Variants in REDIC1 observed in about 807,000 individuals in gnomAD.
The protein encoded by REDIC1 is regulator of DNA class I crossover intermediates 1.
the REDIC1 span, among the ~76,000 whole-genome samples, chr12:39,874,568 T>TGTGC: frequency 7.5e-6 from 1 of 133,140 alleles, no homozygotes; most frequent in African/African-American, 2.9e-5. Context: ...TGAGCCAAGA[T>TGTGC]CACACCATTG....
chr12:39,747,850 T>C, the REDIC1 span, among the ~76,000 whole-genome samples: 1 of 152,082 alleles, frequency 6.6e-6, no homozygotes, highest in Non-Finnish European at 1.5e-5. Context: ...GAAGGAGAAA[T>C]CAAATCCTTT....
At chr12:39,684,345 A>C in the REDIC1 span, 1 of 773,220 alleles carries the variant, frequency 1.3e-6, no homozygotes, top group Non-Finnish European at 1.6e-6. Context: ...TAATAATTAC[A>C]ATTTAGCCAA....
chr12:39,796,218 T>C, the REDIC1 span, among the ~76,000 whole-genome samples: 1 of 152,206 alleles, frequency 6.6e-6, no homozygotes, highest in Non-Finnish European at 1.5e-5. Flanking sequence ...TCCCACGATG[T>C]AGGGGGTAGC....
chr12:39,764,498 A>G, the REDIC1 span: 1 of 1,607,894 alleles, frequency 6.2e-7, no homozygotes, highest in Non-Finnish European at 8.5e-7. Flanking sequence ...TAAAAATGTT[A>G]GTGAAACCAG....
chr12:39,882,959 C>T, the REDIC1 span, among the ~76,000 whole-genome samples: 4 of 152,258 alleles, frequency 2.6e-5, no homozygotes, highest in South Asian at 8.3e-4. Flanking sequence ...ACTCTTGCAA[C>T]TACCAAAGCA....
At chr12:39,793,527 T>C in the REDIC1 span, among the ~76,000 whole-genome samples, 2 of 152,158 alleles carry the variant, frequency 1.3e-5, no homozygotes, top group South Asian at 2.1e-4. Context: ...GCCTCCTGAG[T>C]GGGGGTACTT....
the REDIC1 span, among the ~76,000 whole-genome samples, chr12:39,704,302 C>A: frequency 6.6e-6 from 1 of 152,072 alleles, no homozygotes; most frequent in Non-Finnish European, 1.5e-5. Flanking sequence ...ATTTATGCAG[C>A]CAAAAAACAC....
chr12:39,837,426 A>G, the REDIC1 span, among the ~76,000 whole-genome samples: 2 of 135,884 alleles, frequency 1.5e-5, no homozygotes, highest in East Asian at 2.2e-4. Flanking sequence ...GGACATAGGC[A>G]TGGGCAAGGA....
the REDIC1 span, among the ~76,000 whole-genome samples, chr12:39,715,514 C>T: frequency 1.9e-4 from 29 of 151,820 alleles, no homozygotes; most frequent in South Asian, 4.1e-4. Context: ...AAGCAATCTA[C>T]GAATTCAATG....
At chr12:39,828,855 CT>C in the REDIC1 span, among the ~76,000 whole-genome samples, 1 of 151,940 alleles carries the variant, frequency 6.6e-6, no homozygotes, top group Non-Finnish European at 1.5e-5. Context: ...AAAAGAAACT[CT>C]TTTGAGTGTT....
the REDIC1 span, among the ~76,000 whole-genome samples, chr12:39,681,847 G>GT: frequency 6.6e-6 from 1 of 151,890 alleles, no homozygotes; most frequent in Non-Finnish European, 1.5e-5. Flanking sequence ...GCAATCTGTG[G>GT]TTTTTTTTCC....
At chr12:39,742,305 CT>C in the REDIC1 span, among the ~76,000 whole-genome samples, 1 of 152,054 alleles carries the variant, frequency 6.6e-6, no homozygotes, top group African/African-American at 2.4e-5. Flanking sequence ...GTTAAATATC[CT>C]TTTTTTCAAG....
chr12:39,764,992 G>GGGCCGGGCGCGGTGGCTCACGCCTGT, the REDIC1 span: 1 of 1,019,284 alleles, frequency 9.8e-7, no homozygotes, highest in Non-Finnish European at 1.4e-6. Flanking sequence ...TAAAAAATAA[G>GGGCCGGGCGCGGTGGCTCACGCCTGT]AACTAAATAT....
chr12:39,797,727 A>AACACACACAC, the REDIC1 span, among the ~76,000 whole-genome samples: 1 of 84,002 alleles, frequency 1.2e-5, no homozygotes, highest in Non-Finnish European at 2.4e-5. Context: ...AGTTATGGTA[A>AACACACACAC]ACACACACAC....
chr12:39,677,284 G>C, the REDIC1 span, among the ~76,000 whole-genome samples: 3 of 152,018 alleles, frequency 2.0e-5, no homozygotes, highest in South Asian at 6.2e-4. Context: ...AAAGCGAGCA[G>C]GCGTAGCTAT....
At chr12:39,728,791 T>G in the REDIC1 span, among the ~76,000 whole-genome samples, 4 of 147,876 alleles carry the variant, frequency 2.7e-5, no homozygotes, top group Admixed American at 2.0e-4. Flanking sequence ...TTTTTTTTTT[T>G]TTTTTTTTTG....
At chr12:39,789,481 A>G in the REDIC1 span, among the ~76,000 whole-genome samples, 1 of 152,302 alleles carries the variant, frequency 6.6e-6, no homozygotes, top group Admixed American at 6.5e-5. Flanking sequence ...TTTTAAAATT[A>G]CAAATAATGC....
the REDIC1 span, among the ~76,000 whole-genome samples, chr12:39,895,787 T>C: frequency 4.1e-3 from 178 of 43,908 alleles, 45 homozygotes; most frequent in African/African-American, 0.015. Flanking sequence ...CGTGTATACG[T>C]ACACACATGT....
the REDIC1 span, among the ~76,000 whole-genome samples, chr12:39,739,808 C>G: frequency 6.6e-6 from 1 of 152,138 alleles, no homozygotes; most frequent in Admixed American, 6.5e-5. Flanking sequence ...TTCTCTACCT[C>G]TGGAATTTGG....
Sources: gnomAD v4.1 joint callset for allele counts (sites outside exome capture counted in the v4.1 genomes callset) on GRCh38, gnomAD v4.1.1 for gene constraint, MANE v1.5 for transcripts, NCBI Gene and HGNC (gene_info 2026-07-23, HGNC 2026-07-21) for gene names.